CNTNAP2: variants seen among roughly 807,000 people sequenced by gnomAD.
The protein encoded by CNTNAP2 is contactin associated protein 2, also known as contactin-associated protein-like 2.
A neutral mutation model predicts 155.2 loss-of-function variants in CNTNAP2; 98 were observed. The observed-to-expected ratio is 0.63, with a 90% CI of 0.54 to 0.75. The LOEUF (loss-of-function observed/expected upper bound fraction) is 0.75, where lower values mean the gene tolerates loss of function less well. Ranked by LOEUF, CNTNAP2 falls within the 30% of genes least tolerant of loss-of-function variation. The probability of loss-of-function intolerance (pLI) is 0.00; values close to 1 mark genes in which losing one functional copy is unlikely to be tolerated. For synonymous variants in CNTNAP2, 651 were observed against 631.2 expected (o/e 1.03, Z -0.47); for missense variants, 1,727 against 1,688.1 (o/e 1.02, Z -0.40).
chr7:147,788,147 A>C (rs1263463563), intron 13 of CNTNAP2, among the ~76,000 whole-genome samples: 4 of 152,188 alleles, frequency 2.6e-5, no homozygotes, highest in Admixed American at 2.6e-4. Flanking sequence ...AGAATCTTGG[A>C]TCACTTAAAT....
chr7:146,459,421 C>T (rs1191406549), intron 1 of CNTNAP2, among the ~76,000 whole-genome samples: 1 of 152,130 alleles, frequency 6.6e-6, no homozygotes, highest in Non-Finnish European at 1.5e-5. Flanking sequence ...CCAAAACTTA[C>T]AATTGGAACC....
intron 4 of CNTNAP2, among the ~76,000 whole-genome samples, chr7:147,101,719 CCTAT>C (rs1471154984): frequency 6.6e-6 from 1 of 152,054 alleles, no homozygotes; most frequent in Non-Finnish European, 1.5e-5. Flanking sequence ...CGGCCATTCT[CCTAT>C]CTGACTGTCC....
At chr7:147,241,636 GAAAAAA>G (rs773697991) in intron 8 of CNTNAP2, among the ~76,000 whole-genome samples, 14 of 63,134 alleles carry the variant, frequency 2.2e-4, no homozygotes, top group Non-Finnish European at 4.3e-4. Flanking sequence ...TCAAAAAAAG[GAAAAAA>G]AAAAAAAAAA....
intron 21 of CNTNAP2, among the ~76,000 whole-genome samples, chr7:148,287,046 A>G (rs11536506): frequency 0.69 from 104,487 of 152,000 alleles, 36,322 homozygotes; most frequent in South Asian, 0.81. Flanking sequence ...CCCTGCCCTA[A>G]AAGTCCTCTG....
At chr7:147,450,227 T>C (rs1163161296) in intron 10 of CNTNAP2, among the ~76,000 whole-genome samples, 10 of 152,186 alleles carry the variant, frequency 6.6e-5, no homozygotes, top group Non-Finnish European at 5.9e-5. Context: ...TGAGAAGCAC[T>C]CAAATGCCAT....
intron 3 of CNTNAP2, among the ~76,000 whole-genome samples, chr7:146,932,450 G>C (rs1796786244): frequency 6.6e-6 from 1 of 151,996 alleles, no homozygotes; most frequent in Non-Finnish European, 1.5e-5. Flanking sequence ...AATAATAAGA[G>C]CTATCTATGA....
At chr7:146,495,073 A>G (rs1004588613) in intron 1 of CNTNAP2, among the ~76,000 whole-genome samples, 5 of 152,226 alleles carry the variant, frequency 3.3e-5, no homozygotes, top group African/African-American at 9.6e-5. Context: ...CGCTTTGGGC[A>G]ATGTAGAAAT....
intron 4 of CNTNAP2, among the ~76,000 whole-genome samples, chr7:147,087,102 C>T (rs1800294913): frequency 6.6e-6 from 1 of 152,262 alleles, no homozygotes; most frequent in East Asian, 1.9e-4. Context: ...GACTGGAGGA[C>T]CTCTCTTTCC....
intron 9 of CNTNAP2, among the ~76,000 whole-genome samples, chr7:147,315,007 T>G (rs1358207527): frequency 6.7e-6 from 1 of 150,344 alleles, no homozygotes; most frequent in Non-Finnish European, 1.5e-5. Flanking sequence ...AAAAGTTGAT[T>G]CGAAGAGCAG....
intron 1 of CNTNAP2, among the ~76,000 whole-genome samples, chr7:146,435,686 T>C (rs891237502): frequency 6.6e-6 from 1 of 152,212 alleles, no homozygotes; most frequent in African/African-American, 2.4e-5. Context: ...GATAAAAACG[T>C]GTGTATGTCA....
chr7:147,132,886 AC>A (rs1237563507), intron 8 of CNTNAP2, among the ~76,000 whole-genome samples: 1 of 152,122 alleles, frequency 6.6e-6, no homozygotes, highest in African/African-American at 2.4e-5. Flanking sequence ...ACATTCGTGT[AC>A]CTTTTACTAT....
At chr7:148,091,186 T>G (rs1007313593) in intron 15 of CNTNAP2, among the ~76,000 whole-genome samples, 15 of 152,140 alleles carry the variant, frequency 9.9e-5, no homozygotes, top group African/African-American at 3.6e-4. Flanking sequence ...CAACATATTG[T>G]GTATATGAAA....
intron 1 of CNTNAP2, among the ~76,000 whole-genome samples, chr7:146,274,372 A>G (rs1036653116): frequency 2.6e-5 from 4 of 152,220 alleles, no homozygotes; most frequent in African/African-American, 9.6e-5. Context: ...TGAGTTGAAT[A>G]TCAGGAGAGA....
At chr7:146,338,662 C>G (rs773676080) in intron 1 of CNTNAP2, among the ~76,000 whole-genome samples, 1 of 152,072 alleles carries the variant, frequency 6.6e-6, no homozygotes, top group Admixed American at 6.6e-5. Flanking sequence ...ACCTACGAAG[C>G]CTTCTTATTC....
chr7:146,388,500 A>T (rs990227582), intron 1 of CNTNAP2, among the ~76,000 whole-genome samples: 1 of 152,086 alleles, frequency 6.6e-6, no homozygotes, highest in Admixed American at 6.5e-5. Context: ...AGATATTTTG[A>T]TGCAGGGGTA....
chr7:147,888,572 C>T (rs1433699567), intron 13 of CNTNAP2, among the ~76,000 whole-genome samples: 2 of 151,490 alleles, frequency 1.3e-5, no homozygotes, highest in African/African-American at 4.8e-5. Flanking sequence ...ACCAAAAAAA[C>T]ATGCAAATTA....
At chr7:146,152,762 A>G (rs1264821566) in intron 1 of CNTNAP2, among the ~76,000 whole-genome samples, 2 of 152,138 alleles carry the variant, frequency 1.3e-5, no homozygotes, top group African/African-American at 2.4e-5. Context: ...CTTTGTGATG[A>G]ACACGAAGTA....
chr7:146,315,974 A>G (rs1007895704), intron 1 of CNTNAP2, among the ~76,000 whole-genome samples: 1 of 152,330 alleles, frequency 6.6e-6, no homozygotes, highest in Non-Finnish European at 1.5e-5. Context: ...AAATTAAGAC[A>G]TAACTGCTTA....
At chr7:148,097,340 T>TAAA (rs754030091) in intron 15 of CNTNAP2, among the ~76,000 whole-genome samples, 910 of 78,378 alleles carry the variant, frequency 0.012, 17 homozygotes, top group African/African-American at 0.037. Flanking sequence ...GTGTCATTTG[T>TAAA]AAAAAAAAAA....
Sources: gnomAD v4.1 joint callset for allele counts (sites outside exome capture counted in the v4.1 genomes callset) on GRCh38, gnomAD v4.1.1 for gene constraint, MANE v1.5 for transcripts, NCBI Gene and HGNC (gene_info 2026-07-23, HGNC 2026-07-21) for gene names.